Variants in PHACTR3 observed in about 807,000 individuals in gnomAD.
PHACTR3 encodes the protein protein phosphatase 1, regulatory subunit 123.
Under a neutral mutation model 66.8 loss-of-function variants are expected in PHACTR3, and 16 were observed. The ratio of observed to expected loss-of-function variants is 0.24; its 90% CI spans 0.16 to 0.36. The LOEUF (loss-of-function observed/expected upper bound fraction) is 0.36. Ranked by LOEUF, PHACTR3 falls within the 10% of genes least tolerant of loss-of-function variation. The pLI is 1.00. For synonymous variants in PHACTR3, 323 were observed against 292.1 expected (o/e 1.11, Z -1.08); for missense variants, 647 against 719.9 (o/e 0.90, Z 1.16).
rs1568761127 is a variant in PHACTR3, at chr20:59,736,135, C to T, written c.119-6972C>T. Among the ~76,000 whole-genome samples the T allele has an allele frequency of 6.6e-6, 1 of 152,126 alleles. No individual in the cohort carries two copies. Among genetic ancestry groups the T allele is most frequent in the Non-Finnish European group, 1.5e-5 (1 of 68,006 alleles). On this transcript the variant is annotated intron_variant, in intron 1 of 12. Coordinates refer to ENST00000371015, the MANE Select transcript of PHACTR3 (RefSeq NM_080672.5). The surrounding 1 kb of genome is among the most constrained non-coding windows in gnomAD (Gnocchi z 4.6). ...TGTGACATCAGCAGGGGAGGGCCAG[C>T]TGCCCCATCCATCATCTGAGGACTG...
At chr20:59,797,425 T>C (rs1165342261) in intron 7 of PHACTR3, among the ~76,000 whole-genome samples, 1 of 152,186 alleles carries the variant, frequency 6.6e-6, no homozygotes. Context: ...TGTCCATGCA[T>C]TGGTATCTGC....
intron 1 of PHACTR3, among the ~76,000 whole-genome samples, chr20:59,707,124 G>A (rs1329002476): frequency 1.3e-5 from 2 of 152,256 alleles, no homozygotes; most frequent in African/African-American, 4.8e-5. Flanking sequence ...GCAGGTGGCT[G>A]CATTCAGTGA....
chr20:59,686,210 A>T (rs1018125878), intron 1 of PHACTR3, among the ~76,000 whole-genome samples: 2 of 152,206 alleles, frequency 1.3e-5, no homozygotes, highest in African/African-American at 4.8e-5. Flanking sequence ...ATGAGACTGA[A>T]GGGATGAGAA....
At chr20:59,593,097 C>T (rs1411365473) in intron 1 of PHACTR3, among the ~76,000 whole-genome samples, 4 of 152,230 alleles carry the variant, frequency 2.6e-5, no homozygotes, top group East Asian at 1.9e-4. Context: ...GTAGCTGCAC[C>T]ATTTTGCATT....
At chr20:59,654,599 C>T (rs1313366835) in intron 1 of PHACTR3, among the ~76,000 whole-genome samples, 1 of 152,096 alleles carries the variant, frequency 6.6e-6, no homozygotes, top group African/African-American at 2.4e-5. Flanking sequence ...AAAATTAAGC[C>T]TGAATGTGAC....
intron 5 of PHACTR3, among the ~76,000 whole-genome samples, chr20:59,769,676 C>G (rs976494037): frequency 2.0e-5 from 3 of 152,188 alleles, no homozygotes; most frequent in Admixed American, 6.5e-5. Flanking sequence ...TGTTCACTGT[C>G]AAATCCAAGT....
At chr20:59,786,196 A>T (rs1484367067) in intron 7 of PHACTR3, among the ~76,000 whole-genome samples, 5 of 152,104 alleles carry the variant, frequency 3.3e-5, no homozygotes, top group African/African-American at 1.2e-4. Context: ...GCCCCCAGGG[A>T]GTGCAGGCTA....
At chr20:59,724,974 G>A (rs1424642115) in intron 1 of PHACTR3, among the ~76,000 whole-genome samples, 2 of 152,014 alleles carry the variant, frequency 1.3e-5, no homozygotes, top group Admixed American at 6.6e-5. Flanking sequence ...TGTGCTTAGT[G>A]AGGCTGTGAG....
At chr20:59,816,472 A>G (rs969174887) in intron 8 of PHACTR3, among the ~76,000 whole-genome samples, 1 of 152,224 alleles carries the variant, frequency 6.6e-6, no homozygotes, top group Non-Finnish European at 1.5e-5. Context: ...ATGGAGGCTC[A>G]GAATTGTTAG....
In PHACTR3 at chr20:59,794,123, C is replaced by CAAAAAA. The variant is rs71183186; in HGVS notation, c.1175-11903_1175-11898dup. 7.2e-5 allele frequency among the ~76,000 whole-genome samples: 7 copies of CAAAAAA among 97,798 alleles called. No individual in the cohort carries two copies. In the East Asian group the frequency reaches 9.4e-4, roughly 13 times the overall value. 64.2% of individuals were successfully genotyped at this position (97,798 alleles called of 152,430 possible). On this transcript the variant is annotated intron_variant, in intron 7 of 12. Transcript: ENST00000371015. ...TGGGCAACAGAACAAGACTCCATCT[C>CAAAAAA]AAAAAAAAAAAAAAAAAAAAGAGTG...
chr20:59,595,590 T>A (rs1462099362), intron 1 of PHACTR3, among the ~76,000 whole-genome samples: 2 of 152,210 alleles, frequency 1.3e-5, no homozygotes, highest in Admixed American at 6.5e-5. Context: ...TAGATGTCTG[T>A]TACATCCAGT....
intron 1 of PHACTR3, among the ~76,000 whole-genome samples, chr20:59,716,711 TG>T (rs771276738): frequency 4.6e-5 from 7 of 152,212 alleles, no homozygotes; most frequent in Non-Finnish European, 1.0e-4. Flanking sequence ...TTTATCTGTA[TG>T]ATTATTTTTG....
At chr20:59,710,247 T>C (rs940588146) in intron 1 of PHACTR3, among the ~76,000 whole-genome samples, 1 of 152,214 alleles carries the variant, frequency 6.6e-6, no homozygotes, top group Non-Finnish European at 1.5e-5. Flanking sequence ...ATGGAAAAGA[T>C]AGATGTGGCC....
intron 1 of PHACTR3, among the ~76,000 whole-genome samples, chr20:59,623,256 G>A (rs1222333994): frequency 1.3e-5 from 2 of 152,002 alleles, no homozygotes; most frequent in African/African-American, 4.8e-5. Context: ...CATGGATCAG[G>A]CTTGGTCCAG....
intron 7 of PHACTR3, among the ~76,000 whole-genome samples, chr20:59,799,407 A>G (rs1225724762): frequency 6.6e-6 from 1 of 152,054 alleles, no homozygotes; most frequent in African/African-American, 2.4e-5. Flanking sequence ...GGATTTCTTT[A>G]TTTCTTTCCT....
chr20:59,764,668 C>T (rs2040119610), intron 4 of PHACTR3, among the ~76,000 whole-genome samples: 1 of 152,116 alleles, frequency 6.6e-6, no homozygotes, highest in Admixed American at 6.5e-5. Flanking sequence ...CTCTGTCTCC[C>T]AAAAGCAGGA....
intron 1 of PHACTR3, among the ~76,000 whole-genome samples, chr20:59,686,622 T>G (rs1385415479): frequency 0.037 from 2,422 of 66,180 alleles, no homozygotes; most frequent in Middle Eastern, 0.048. Flanking sequence ...TGATGATGGT[T>G]GTGATGATTG....
intron 1 of PHACTR3, among the ~76,000 whole-genome samples, chr20:59,636,559 G>T (rs1375184711): frequency 6.6e-6 from 1 of 152,130 alleles, no homozygotes; most frequent in Non-Finnish European, 1.5e-5. Flanking sequence ...AGGAAGACCT[G>T]GTCTGGATCG....
chr20:59,755,734 G>A, intron 4 of PHACTR3, among the ~76,000 whole-genome samples: 1 of 152,208 alleles, frequency 6.6e-6, no homozygotes, highest in Non-Finnish European at 1.5e-5. Context: ...ACCCTAAAAG[G>A]GTAGGAGGTA....
Sources: gnomAD v4.1 joint callset for allele counts (sites outside exome capture counted in the v4.1 genomes callset) on GRCh38, gnomAD v4.1.1 for gene constraint, Gnocchi (gnomAD v3.1) non-coding constraint, MANE v1.5 for transcripts, NCBI Gene and HGNC (gene_info 2026-07-23, HGNC 2026-07-21) for gene names.